The following MINDY2 variants were observed in gnomAD, a reference collection of about 807,000 sequenced individuals.
MINDY2 encodes the protein MINDY lysine 48 deubiquitinase 2, also known as ubiquitin carboxyl-terminal hydrolase MINDY-2.
MINDY2 carries 52 observed loss-of-function variants against 68.2 expected under a neutral mutation model. That is an observed-to-expected ratio of 0.76 (90% CI 0.61 to 0.96). The LOEUF (loss-of-function observed/expected upper bound fraction) is 0.96, where lower values mean the gene tolerates loss of function less well. Among genes scored for constraint, MINDY2 ranks in the 40% least tolerant of loss-of-function variants. MINDY2 has a pLI of 0.00. For missense variants in MINDY2, 881 were observed against 773.4 expected, an observed-to-expected ratio of 1.14 and a Z score of -1.65; for synonymous variants, 372 against 303.0, an observed-to-expected ratio of 1.23 and a Z score of -2.36.
rs765881093 is a variant in MINDY2 at position 58,771,681 on chromosome 15, G to T, written c.286G>T (p.Ala96Ser). ...DLKDSGLESP[A>S]AAEAPLRGQY... ...GAAGGACAGTGGTTTGGAGAGTCCT[G>T]CTGCCGCCGAGGCGCCTCTGAGAGG... is the stretch of plus-strand genomic sequence containing the variant. Residue 96 changes from alanine to serine, a missense_variant, in exon 1 of 9, where the codon GCT becomes TCT. Physicochemically the swap from Ala to Ser is moderately conservative, Grantham distance 99. Transcript: ENST00000559228. The T allele has an allele frequency of 1.2e-6, 2 of 1,612,354 alleles. No homozygotes were observed. Among genetic ancestry groups the T allele is most frequent in the Non-Finnish European group, 1.7e-6 (2 of 1,179,888 alleles).
chr15:58,851,166 G>T (rs1294416426), intron 7 of MINDY2, among the ~76,000 whole-genome samples: 2 of 151,702 alleles, frequency 1.3e-5, no homozygotes, highest in Admixed American at 6.6e-5. Flanking sequence ...TAGAGACGGG[G>T]TTGTACCATG....
At chr15:58,807,614 C>T (rs1903121954) in intron 3 of MINDY2, among the ~76,000 whole-genome samples, 1 of 152,254 alleles carries the variant, frequency 6.6e-6, no homozygotes, top group Non-Finnish European at 1.5e-5. Flanking sequence ...CCGCCCGCCT[C>T]GGCCTCCCAA....
chr15:58,819,628 G>A (rs940387937), intron 4 of MINDY2, among the ~76,000 whole-genome samples: 1 of 152,152 alleles, frequency 6.6e-6, no homozygotes, highest in Non-Finnish European at 1.5e-5. Context: ...CATTACTGGT[G>A]TGAGCCACCA....
intron 2 of MINDY2, 30 bp downstream of exon 2, chr15:58,787,993 CT>C: frequency 6.6e-7 from 1 of 1,511,820 alleles, no homozygotes. Flanking sequence ...TTTTATATCT[CT>C]TTCAAAACAA....
Position 58,772,033 on chromosome 15 carries a change from G to C in MINDY2, c.638G>C (p.Gly213Ala). The C allele has an allele frequency of 3.1e-6, 5 of 1,604,016 alleles. No individual in the cohort carries two copies. The highest frequency in any genetic ancestry group is 4.3e-6 in the Non-Finnish European group (5 of 1,174,836). Residue 213 changes from glycine (G) to alanine (A), a missense_variant, in exon 1 of 9, where the codon GGG (glycine) becomes GCG (alanine). Coordinates refer to ENST00000559228, the MANE Select transcript of MINDY2 (RefSeq NM_001040450.3). ...GAGGAGGGCGCGGCGGTGTTGCCCG[G>C]GGCTGTTCCTCTGTGCAAGGAGGAG... Reference protein sequence around the residue: ...EEEEGAAVLPGAVPLCKEEEG... With the variant: ...EEEEGAAVLPAAVPLCKEEEG...
At chr15:58,791,228 T>TATATATATATAC (rs1555428777) in intron 2 of MINDY2, among the ~76,000 whole-genome samples, 1 of 23,154 alleles carries the variant, frequency 4.3e-5, no homozygotes, top group Non-Finnish European at 5.7e-5. Flanking sequence ...TATATATATA[T>TATATATATATAC]ATATATATAT....
chr15:58,804,019 C>T (rs1203556246), intron 3 of MINDY2, among the ~76,000 whole-genome samples: 3 of 147,426 alleles, frequency 2.0e-5, no homozygotes, highest in South Asian at 2.2e-4. Flanking sequence ...GTCCTAGCTA[C>T]TCTGGAGGCT....
intron 8 of MINDY2, 41 bp downstream of exon 8, chr15:58,852,006 G>T: frequency 6.8e-7 from 1 of 1,466,094 alleles, no homozygotes. Context: ...GATGATCATG[G>T]CTGGGTGTAG....
intron 1 of MINDY2, among the ~76,000 whole-genome samples, chr15:58,783,188 T>C (rs1014310437): frequency 6.6e-6 from 1 of 152,104 alleles, no homozygotes; most frequent in Non-Finnish European, 1.5e-5. Flanking sequence ...CCCAAAGTGC[T>C]GGGATTACAG....
In MINDY2 at chr15:58,859,083, G is replaced by A. The variant is rs1239205568; in HGVS notation, c.*4473G>A. ...TTCTCAATAACAAAATATATCTTAA[G>A]TCAGTTTTTTTAATGCTGTCAAAAT... On this transcript the variant is annotated 3_prime_UTR_variant, in exon 9 of 9. Coordinates refer to ENST00000559228, the MANE Select transcript of MINDY2 (RefSeq NM_001040450.3). 1 of 151,916 alleles carries A rather than the reference G, an allele frequency of 6.6e-6. No individual in the cohort carries two copies. Among genetic ancestry groups the A allele is most frequent in the Non-Finnish European group, 1.5e-5 (1 of 67,930 alleles). The allele number at this position is 151,916 out of a possible 1,614,324, so 9.4% of individuals were successfully genotyped here.
At chr15:58,783,209 C>A (rs1901274452) in intron 1 of MINDY2, among the ~76,000 whole-genome samples, 1 of 152,122 alleles carries the variant, frequency 6.6e-6, no homozygotes, top group South Asian at 2.1e-4. Flanking sequence ...GAGTGACCGA[C>A]TCTGCCCGGC....
At chr15:58,835,379 G>T (rs1384561488) in intron 6 of MINDY2, among the ~76,000 whole-genome samples, 2 of 152,160 alleles carry the variant, frequency 1.3e-5, no homozygotes, top group African/African-American at 4.8e-5. Context: ...GAGGCTGGGT[G>T]CGGTGTCTCA....
chr15:58,793,402 G>A (rs1374857439), intron 2 of MINDY2, among the ~76,000 whole-genome samples: 3 of 152,232 alleles, frequency 2.0e-5, no homozygotes, highest in Non-Finnish European at 4.4e-5. Flanking sequence ...AGTGAGTGGA[G>A]ATAACACCAC....
intron 1 of MINDY2, among the ~76,000 whole-genome samples, chr15:58,785,568 G>T (rs1746486400): frequency 6.6e-6 from 1 of 152,138 alleles, no homozygotes; most frequent in South Asian, 2.1e-4. Context: ...AAAACAGACA[G>T]TCGACAGTAA....
chr15:58,851,903 C>T lies in MINDY2; in HGVS notation c.1675C>T (p.Gln559Ter). Residue 559 changes from glutamine (Q) to a stop codon, truncating the protein, a stop_gained, in exon 8 of 9, where the codon CAA becomes TAA. Transcript: ENST00000559228. LOFTEE classifies it high-confidence loss of function. The stretch of plus-strand genomic sequence containing the variant: ...AGAGGAAGAGGACAGACGGGCTTCT[C>T]AATACTATCAGGAACAGGAACAAGC... ...LQEEEDRRAS[Q>*]YYQEQEQAAA... The T allele has an allele frequency of 6.2e-7, 1 of 1,611,506 alleles. No individual in the cohort carries two copies. Among genetic ancestry groups the T allele is most frequent in the African/African-American group, 1.3e-5 (1 of 74,728 alleles).
At chr15:58,787,467 G>C (rs944983036) in intron 1 of MINDY2, among the ~76,000 whole-genome samples, 2 of 152,066 alleles carry the variant, frequency 1.3e-5, no homozygotes, top group African/African-American at 4.8e-5. Context: ...GCTGGGTGCA[G>C]TGGCTCACAC....
At chr15:58,788,608 G>A (rs1256688307) in intron 2 of MINDY2, among the ~76,000 whole-genome samples, 2 of 152,290 alleles carry the variant, frequency 1.3e-5, no homozygotes, top group African/African-American at 4.8e-5. Context: ...GCAAGCAGTT[G>A]TACATCACAT....
intron 5 of MINDY2, 118 bp from the exon 6 acceptor site, chr15:58,831,656 G>A: frequency 1.2e-6 from 1 of 833,194 alleles, no homozygotes; most frequent in Non-Finnish European, 1.8e-6. Flanking sequence ...AAAGTAGTAG[G>A]GAAAGTATTA....
At chr15:58,779,600 T>C (rs780551648) in intron 1 of MINDY2, among the ~76,000 whole-genome samples, 2 of 152,252 alleles carry the variant, frequency 1.3e-5, no homozygotes, top group Non-Finnish European at 2.9e-5. Context: ...CATCTTAGCC[T>C]CTGCCCACCT....
Sources: allele counts gnomAD v4.1 joint callset (sites outside exome capture counted in the v4.1 genomes callset), GRCh38; gene constraint gnomAD v4.1.1; transcripts MANE v1.5; gene names NCBI Gene and HGNC (gene_info 2026-07-23, HGNC 2026-07-21).